Variants in GRM8 observed in about 807,000 individuals in gnomAD.
GRM8 encodes metabotropic glutamate receptor 8.
In GRM8, 47 loss-of-function variants were observed where a neutral mutation model predicts 87.2. That is an observed-to-expected ratio of 0.54 (90% CI 0.43 to 0.69). The LOEUF is 0.69. GRM8 is among the 30% of genes least tolerant of loss of function. The pLI is 0.00. For synonymous variants in GRM8, 396 were observed against 404.5 expected (o/e 0.98, Z 0.25); for missense variants, 1,019 against 1,139.2 (o/e 0.89, Z 1.52).
chr7:127,026,921 C>A (rs143463006), intron 3 of GRM8, among the ~76,000 whole-genome samples: 2,134 of 152,238 alleles, frequency 0.014, 47 homozygotes, highest in African/African-American at 0.048. Context: ...TGCCTATGTC[C>A]TGAATGGTAT....
intron 2 of GRM8, among the ~76,000 whole-genome samples, chr7:127,187,224 CA>C (rs1287217996): frequency 6.6e-6 from 1 of 152,114 alleles, no homozygotes; most frequent in African/African-American, 2.4e-5. Context: ...CTGACAAAGA[CA>C]AGTACAAGCT....
intron 8 of GRM8, among the ~76,000 whole-genome samples, chr7:126,568,256 G>A (rs917871587): frequency 7.2e-5 from 11 of 152,032 alleles, no homozygotes; most frequent in African/African-American, 2.7e-4. Flanking sequence ...TCAATATTCT[G>A]TTTAAAGTGA....
chr7:126,811,047 T>A (rs1467608487), intron 6 of GRM8, among the ~76,000 whole-genome samples: 12 of 152,080 alleles, frequency 7.9e-5, no homozygotes, highest in Admixed American at 7.9e-4. Flanking sequence ...GATATTTGTA[T>A]ATGGTGAGAG....
intron 8 of GRM8, among the ~76,000 whole-genome samples, chr7:126,577,020 A>G (rs1795177766): frequency 6.6e-6 from 1 of 152,184 alleles, no homozygotes; most frequent in Non-Finnish European, 1.5e-5. Flanking sequence ...AATGGCTCCA[A>G]AGCTTATCGT....
intron 2 of GRM8, chr7:127,219,398 C>G (rs1405478669): frequency 6.6e-6 from 1 of 152,112 alleles, no homozygotes; most frequent in East Asian, 1.9e-4. Flanking sequence ...CTTAAAATTA[C>G]TTTTTCGTTG....
chr7:127,014,048 G>T (rs924308116), intron 3 of GRM8, among the ~76,000 whole-genome samples: 1 of 152,094 alleles, frequency 6.6e-6, no homozygotes, highest in African/African-American at 2.4e-5. Context: ...GAAATGTAAA[G>T]GATCATTCCT....
intron 7 of GRM8, among the ~76,000 whole-genome samples, chr7:126,665,802 TTGAA>T (rs1449509261): frequency 1.3e-5 from 2 of 151,966 alleles, no homozygotes; most frequent in Non-Finnish European, 2.9e-5. Flanking sequence ...CTATCTTTAT[TTGAA>T]TGACAAATTA....
chr7:126,866,839 C>T (rs931893883), intron 6 of GRM8, among the ~76,000 whole-genome samples: 1 of 151,974 alleles, frequency 6.6e-6, no homozygotes, highest in Non-Finnish European at 1.5e-5. Context: ...ATCCACCCAC[C>T]TCGGCCTCCC....
chr7:126,708,592 C>CAT (rs1222285969), intron 7 of GRM8, among the ~76,000 whole-genome samples: 9 of 149,630 alleles, frequency 6.0e-5, no homozygotes, highest in East Asian at 3.9e-4. Flanking sequence ...GAGAGAGCTC[C>CAT]ATATATATAT....
intron 2 of GRM8, among the ~76,000 whole-genome samples, chr7:127,232,534 G>A (rs1423027189): frequency 6.6e-6 from 1 of 152,142 alleles, no homozygotes; most frequent in African/African-American, 2.4e-5. Flanking sequence ...ACAAGTGTGT[G>A]CAACCACACC....
At chr7:127,194,989 T>C (rs1795207565) in intron 2 of GRM8, among the ~76,000 whole-genome samples, 2 of 152,156 alleles carry the variant, frequency 1.3e-5, no homozygotes, top group Non-Finnish European at 2.9e-5. Context: ...TGTTGACTTC[T>C]CTAGTTTTGT....
chr7:127,098,221 T>C (rs1411212642), intron 3 of GRM8, among the ~76,000 whole-genome samples: 2 of 152,224 alleles, frequency 1.3e-5, no homozygotes, highest in Admixed American at 6.5e-5. Context: ...TGTACAAATA[T>C]AAAGTAAAAT....
At chr7:127,217,160 A>G (rs1335732735) in intron 2 of GRM8, among the ~76,000 whole-genome samples, 2 of 152,238 alleles carry the variant, frequency 1.3e-5, no homozygotes, top group Non-Finnish European at 2.9e-5. Context: ...AGCATGCAAA[A>G]TAGGAGGGTG....
At chr7:127,040,958 C>A (rs1818376228) in intron 3 of GRM8, among the ~76,000 whole-genome samples, 1 of 152,206 alleles carries the variant, frequency 6.6e-6, no homozygotes, top group Admixed American at 6.5e-5. Flanking sequence ...AAGTCCAATC[C>A]TTGCATCTCC....
chr7:126,658,151 T>C (rs986553956), intron 7 of GRM8, among the ~76,000 whole-genome samples: 23 of 152,300 alleles, frequency 1.5e-4, no homozygotes, highest in African/African-American at 5.3e-4. Flanking sequence ...ACAGGTGAGA[T>C]TCAGCTGAGT....
At chr7:127,139,077 G>A (rs1244088335) in intron 2 of GRM8, among the ~76,000 whole-genome samples, 1 of 152,082 alleles carries the variant, frequency 6.6e-6, no homozygotes, top group Non-Finnish European at 1.5e-5. Context: ...TCCAACTTAA[G>A]TGTGTCTGAC....
At chr7:126,910,402 A>G (rs1803165205) in intron 3 of GRM8, among the ~76,000 whole-genome samples, 1 of 152,184 alleles carries the variant, frequency 6.6e-6, no homozygotes, top group Admixed American at 6.5e-5. Context: ...GACTTCAACA[A>G]ACATTTGTTG....
At chr7:126,636,165 G>A (rs559540428) in intron 7 of GRM8, among the ~76,000 whole-genome samples, 2 of 152,010 alleles carry the variant, frequency 1.3e-5, no homozygotes, top group Non-Finnish European at 2.9e-5. Flanking sequence ...TGGGATTTCT[G>A]AAGTTTATAG....
intron 6 of GRM8, among the ~76,000 whole-genome samples, chr7:126,775,496 T>G (rs1245084243): frequency 1.3e-5 from 2 of 149,866 alleles, no homozygotes; most frequent in East Asian, 1.9e-4. Context: ...TTTTTTTTTT[T>G]TTTTTTTTTT....
Sources: gnomAD v4.1 joint callset for allele counts (sites outside exome capture counted in the v4.1 genomes callset) on GRCh38, gnomAD v4.1.1 for gene constraint, MANE v1.5 for transcripts, NCBI Gene and HGNC (gene_info 2026-07-23, HGNC 2026-07-21) for gene names.